Variants in SLC39A10 observed in about 807,000 individuals in gnomAD.
SLC39A10 encodes solute carrier family 39 member 10.
Under a neutral mutation model 65.1 loss-of-function variants are expected in SLC39A10, and 13 were observed. The ratio of observed to expected loss-of-function variants is 0.20; its 90% CI spans 0.13 to 0.32. The LOEUF (loss-of-function observed/expected upper bound fraction) is 0.32, where lower values mean the gene tolerates loss of function less well. SLC39A10 is among the 10% of genes least tolerant of loss of function. The pLI is 1.00. For synonymous variants in SLC39A10, 321 were observed against 342.2 expected (o/e 0.94, Z 0.68); for missense variants, 831 against 1,018.4 (o/e 0.82, Z 2.50).
At chr2:195,666,811 CATTTT>C (rs776649466) in intron 1 of SLC39A10, among the ~76,000 whole-genome samples, 2 of 152,210 alleles carry the variant, frequency 1.3e-5, no homozygotes, top group Non-Finnish European at 2.9e-5. Context: ...AAATCATAAA[CATTTT>C]AGTAGCTTCA....
At chr2:195,670,124 A>C (rs1216478692) in intron 1 of SLC39A10, among the ~76,000 whole-genome samples, 1 of 152,144 alleles carries the variant, frequency 6.6e-6, no homozygotes, top group Admixed American at 6.5e-5. Context: ...ATGCCACTGC[A>C]CTCCAGCCTG....
upstream of SLC39A10, among the ~76,000 whole-genome samples, chr2:195,653,071 CA>C (rs927514970): frequency 1.3e-5 from 2 of 151,942 alleles, no homozygotes; most frequent in Non-Finnish European, 2.9e-5. Flanking sequence ...TCTCTGGTGC[CA>C]AAAAAAGTTG....
intron 6 of SLC39A10, among the ~76,000 whole-genome samples, chr2:195,714,163 C>T (rs1229745780): frequency 2.0e-5 from 3 of 152,120 alleles, no homozygotes; most frequent in Middle Eastern, 3.2e-3. Context: ...CATCTCCTGA[C>T]CTCGTGATCT....
chr2:195,720,189 A>G (rs1691976499), intron 8 of SLC39A10, among the ~76,000 whole-genome samples: 1 of 152,224 alleles, frequency 6.6e-6, no homozygotes, highest in East Asian at 1.9e-4. Context: ...GGCCTCCCAA[A>G]GTGCCGAGAT....
intron 1 of SLC39A10, among the ~76,000 whole-genome samples, chr2:195,661,272 G>A (rs1689385693): frequency 6.6e-6 from 1 of 151,762 alleles, no homozygotes; most frequent in African/African-American, 2.4e-5. Context: ...TAAGTTCTAT[G>A]GATAGGCCAC....
intron 2 of SLC39A10, among the ~76,000 whole-genome samples, chr2:195,639,081 A>G (rs1326444114): frequency 1.3e-5 from 2 of 151,828 alleles, no homozygotes; most frequent in South Asian, 4.2e-4. Flanking sequence ...TCTGCCTCCT[A>G]TGTAGCTGGG....
intron 6 of SLC39A10, 59 bp from the exon 7 acceptor site, chr2:195,716,573 TTTAAA>T: frequency 6.9e-7 from 1 of 1,459,376 alleles, no homozygotes; most frequent in Non-Finnish European, 9.2e-7. Flanking sequence ...TGCTATTCTG[TTTAAA>T]TTAGCAAATA....
At chr2:195,645,980 T>C (rs1188249784) in intron 2 of SLC39A10, among the ~76,000 whole-genome samples, 2 of 152,100 alleles carry the variant, frequency 1.3e-5, no homozygotes. Flanking sequence ...TCTCACTCTG[T>C]GTCAAAAAAA....
chr2:195,657,679 G>C lies in SLC39A10; in HGVS notation c.-12+398G>C. The C allele has an allele frequency of 4.1e-6, 4 of 971,766 alleles. No individual in the cohort carries two copies. The South Asian group carries it at 1.9e-4, about 46-fold the overall frequency. The allele number at this position is 971,766 out of a possible 1,614,324, so 60.2% of individuals were successfully genotyped here. On this transcript the variant is annotated intron_variant, in intron 1 of 9. Coordinates refer to ENST00000359634, the MANE Select transcript of SLC39A10 (RefSeq NM_020342.3). ...GCTGGGCGGGTGGCGGCGGTTAGGG[G>C]GCTGCGCGCCGGCCGCGGATGGCGT... is the stretch of plus-strand genomic sequence containing the variant.
At chr2:195,660,170 C>T (rs780591964) in intron 1 of SLC39A10, among the ~76,000 whole-genome samples, 1 of 152,044 alleles carries the variant, frequency 6.6e-6, no homozygotes, top group African/African-American at 2.4e-5. Flanking sequence ...AAAACTTAAC[C>T]ATTATGGTTA....
chr2:195,713,764 G>T (rs1691681886), intron 6 of SLC39A10, among the ~76,000 whole-genome samples: 1 of 151,778 alleles, frequency 6.6e-6, no homozygotes, highest in Admixed American at 6.6e-5. Context: ...AGCCAACTTG[G>T]GATAGGAGAA....
chr2:195,662,894 A>G (rs1056515136), intron 1 of SLC39A10, among the ~76,000 whole-genome samples: 3 of 152,228 alleles, frequency 2.0e-5, no homozygotes, highest in Admixed American at 6.5e-5. Flanking sequence ...CAAATGATCA[A>G]TTCATAGGTA....
intron 1 of SLC39A10, among the ~76,000 whole-genome samples, chr2:195,669,001 G>A (rs535681933): frequency 6.6e-6 from 1 of 151,748 alleles, no homozygotes; most frequent in Admixed American, 6.6e-5. Flanking sequence ...CTTGAACCTG[G>A]GAGGCAAAGG....
intron 3 of SLC39A10, among the ~76,000 whole-genome samples, chr2:195,702,757 C>A (rs1277486454): frequency 6.6e-6 from 1 of 152,216 alleles, no homozygotes; most frequent in Non-Finnish European, 1.5e-5. Context: ...TACAGCTGAT[C>A]TGGGCACAGG....
At chr2:195,731,151 C>G (rs1448720336) in intron 9 of SLC39A10, among the ~76,000 whole-genome samples, 1 of 152,158 alleles carries the variant, frequency 6.6e-6, no homozygotes, top group African/African-American at 2.4e-5. Flanking sequence ...TCCTAAAGTT[C>G]TTTCTTTGAC....
intron 3 of SLC39A10, 58 bp downstream of exon 3, chr2:195,683,964 C>G (rs1690430243): frequency 1.7e-6 from 2 of 1,153,814 alleles, no homozygotes; most frequent in Non-Finnish European, 2.5e-6. Context: ...ACTTTTTAAA[C>G]TATAGTTGAA....
At chr2:195,724,426 G>C (rs2105839317) in intron 8 of SLC39A10, among the ~76,000 whole-genome samples, 3 of 152,232 alleles carry the variant, frequency 2.0e-5, no homozygotes, top group Middle Eastern at 6.8e-3. Flanking sequence ...AAAATATGCA[G>C]ATACCTTTGA....
chr2:195,715,592 G>C (rs1383384393), intron 6 of SLC39A10, among the ~76,000 whole-genome samples: 13 of 148,836 alleles, frequency 8.7e-5, no homozygotes, highest in Non-Finnish European at 1.6e-4. Flanking sequence ...AACTAGGCTT[G>C]AATTTTTACA....
chr2:195,696,538 C>A (rs147191082), intron 3 of SLC39A10, among the ~76,000 whole-genome samples: 3 of 152,106 alleles, frequency 2.0e-5, no homozygotes, highest in African/African-American at 7.2e-5. Flanking sequence ...AGCAATACAA[C>A]TATTTGCATA....
Sources: gnomAD v4.1 joint callset for allele counts (sites outside exome capture counted in the v4.1 genomes callset) on GRCh38, gnomAD v4.1.1 for gene constraint, MANE v1.5 for transcripts, NCBI Gene and HGNC (gene_info 2026-07-23, HGNC 2026-07-21) for gene names.